Variants in PRSS22 observed in about 807,000 individuals in gnomAD.
The protein encoded by PRSS22 is brain-specific serine protease 4.
A neutral mutation model predicts 28.0 loss-of-function variants in PRSS22; 26 were observed. That is an observed-to-expected ratio of 0.93 (90% CI 0.68 to 1.29). The LOEUF (loss-of-function observed/expected upper bound fraction) is 1.29, where lower values mean the gene tolerates loss of function less well. Among genes scored for constraint, PRSS22 ranks in the 50% most tolerant of loss-of-function variants. PRSS22 has a pLI of 0.00. For missense variants in PRSS22, 444 were observed against 422.1 expected, an observed-to-expected ratio of 1.05 and a Z score of -0.46; for synonymous variants, 217 against 177.9, an observed-to-expected ratio of 1.22 and a Z score of -1.75.
Position 2,853,609 on chromosome 16 carries a change from G to T in PRSS22, c.717+256C>A, listed in dbSNP as rs1265540515. Among the ~76,000 whole-genome samples the T allele has an allele frequency of 6.6e-6, 1 of 152,230 alleles. No homozygotes were observed. The highest frequency in any genetic ancestry group is 1.9e-4 in the East Asian group (1 of 5,188). On this transcript the variant is annotated intron_variant, in intron 5 of 5. Coordinates refer to ENST00000161006, the MANE Select transcript of PRSS22 (RefSeq NM_022119.4). The surrounding 1 kb of genome is among the most constrained non-coding windows in gnomAD (Gnocchi z 4.6). Reference sequence around the variant, plus strand: ...CAGCTGGCTCTGGGCACTGAGGCGTGGGAAGCCCCCTGAAGGAAATGAAAG... The same window carrying T: ...CAGCTGGCTCTGGGCACTGAGGCGTTGGAAGCCCCCTGAAGGAAATGAAAG...
chr16:2,856,819 C>T lies in PRSS22; in HGVS notation c.109+3G>A, dbSNP rs756916903. 9.0e-6 allele frequency: 14 copies of T among 1,552,026 alleles called. No individual in the cohort carries two copies. The South Asian group carries it at 1.7e-4, about 18-fold the overall frequency. On this transcript the variant is annotated splice_donor_region_variant and intron_variant, in intron 2 of 5. Transcript: ENST00000161006. ...TCCCGTCAGAGCTGCCAGCTCCACT[C>T]ACCAGGTATCCTGGCCGCATTGAGG... is the stretch of plus-strand genomic sequence containing the variant.
In PRSS22 at chr16:2,853,311, G is replaced by A. The variant is rs542808767; in HGVS notation, c.736C>T (p.Leu246Phe). The change falls in exon 6 of 6, where the codon CTC (leucine) becomes TTC (phenylalanine). Residue 246 changes from leucine (L) to phenylalanine (F), a missense_variant. Transcript: ENST00000161006. This position sits in a 1 kb window ranked among gnomAD's most constrained non-coding sequence, Gnocchi z 4.6. ...DACLGDSGGP[L>F]MCQVDGAWLL... ...CAGGCGCCGTCCACCTGGCACATGA[G>A]GGGGCCCCCGGAGTCGCCCTGCAGA... 3.1e-6 allele frequency: 5 copies of A among 1,597,228 alleles called. No homozygotes were observed. In the East Asian group the frequency reaches 8.9e-5, roughly 29 times the overall value.
At position 2,856,809 on chromosome 16, in the gene PRSS22, C is replaced by T; in HGVS notation, c.109+13G>A. Reference sequence around the variant, plus strand: ...CCCTTCTCCCTCCCGTCAGAGCTGCCAGCTCCACTCACCAGGTATCCTGGC... The same window carrying T: ...CCCTTCTCCCTCCCGTCAGAGCTGCTAGCTCCACTCACCAGGTATCCTGGC... On this transcript the variant is annotated intron_variant, in intron 2 of 5. Transcript: ENST00000161006. 6.4e-7 allele frequency: 1 copy of T among 1,552,002 alleles called. No individual in the cohort carries two copies. Among genetic ancestry groups the T allele is most frequent in the Non-Finnish European group, 8.7e-7 (1 of 1,147,148 alleles).
At chr16:2,856,033 A>T (rs779496660) in intron 3 of PRSS22, 49 bp downstream of exon 3, 357 of 1,588,942 alleles carry the variant, frequency 2.2e-4, no homozygotes, top group Non-Finnish European at 2.5e-4. Context: ...CCTGGGGCAC[A>T]AAGCCCAGGG....
Position 2,855,758 on chromosome 16 carries a change from C to T in PRSS22, c.375G>A (p.Trp125Ter). The change falls in exon 4 of 6, where the codon TGG (tryptophan) becomes TGA (stop). Residue 125 changes from tryptophan (W) to a stop codon, truncating the protein, a stop_gained. Transcript: ENST00000161006. LOFTEE classifies it high-confidence loss of function. ...AGGAATACACAGGGTGGGGCTCCAC[C>T]CAGGCAACACCCACCTTCTGGGACC... is the stretch of plus-strand genomic sequence containing the variant. ...GSRSQKVGVA[W>*]VEPHPVYSWK... 1 of 1,614,126 alleles carries T rather than the reference C, an allele frequency of 6.2e-7. No homozygotes were observed. The highest frequency in any genetic ancestry group is 8.5e-7 in the Non-Finnish European group (1 of 1,180,036).
Position 2,856,196 on chromosome 16 carries a change from C to G in PRSS22, c.167G>C (p.Ser56Thr), listed in dbSNP as rs369180451. Reference sequence around the variant, plus strand: ...GATCCAGGGCCACTCGCTGTCAGTGCTGTCCTCGCCGCCCACAACCCGGTT... The same window carrying G: ...GATCCAGGGCCACTCGCTGTCAGTGGTGTCCTCGCCGCCCACAACCCGGTT... ...QLNRVVGGED[S>T]TDSEWPWIVS... The change falls in exon 3 of 6, where the codon AGC (serine) becomes ACC (threonine). Residue 56 changes from serine to threonine, a missense_variant. Ser to Thr is a moderately conservative substitution (Grantham distance 58). Transcript: ENST00000161006. The G allele has an allele frequency of 5.0e-6, 8 of 1,613,738 alleles. No homozygotes were observed. Among genetic ancestry groups the G allele is most frequent in the Non-Finnish European group, 5.1e-6 (6 of 1,179,958 alleles).
chr16:2,857,887 A>T, intron 1 of PRSS22, 136 bp downstream of exon 1: 2 of 583,744 alleles, frequency 3.4e-6, no homozygotes, highest in Non-Finnish European at 2.5e-6. Flanking sequence ...CAGAGCAGTT[A>T]AGGAGCAAGA....
intron 2 of PRSS22, 79 bp from the exon 3 acceptor site, chr16:2,856,332 C>A (rs2069456718): frequency 1.4e-6 from 2 of 1,454,824 alleles, no homozygotes; most frequent in East Asian, 2.3e-5. Flanking sequence ...GGCCTGCACC[C>A]CAAGCTTTGC....
intron 1 of PRSS22, among the ~76,000 whole-genome samples, chr16:2,857,380 G>T (rs964412490): frequency 1.1e-4 from 17 of 147,870 alleles, no homozygotes; most frequent in African/African-American, 4.0e-4. Flanking sequence ...GTGAGGAGGG[G>T]TCCCAGCGCC....
Position 2,853,972 on chromosome 16 carries a change from CGAT to C in PRSS22, c.607_609del (p.Ile203del). The C allele has an allele frequency of 2.5e-6, 4 of 1,614,166 alleles. No homozygotes were observed. Among genetic ancestry groups the C allele is most frequent in the Non-Finnish European group, 3.4e-6 (4 of 1,180,028 alleles). ...TACAGATGGCTGCAGACTTCCGAGT[CGAT>C]GATAGGAACCTTCAGCTTCTGCAGG... On this transcript the variant is annotated inframe_deletion, in exon 5 of 6. Transcript: ENST00000161006. The surrounding 1 kb of genome is among the most constrained non-coding windows in gnomAD (Gnocchi z 4.6).
chr16:2,855,666 C>A lies in PRSS22; in HGVS notation c.467G>T (p.Arg156Leu), dbSNP rs146443197. 3.1e-6 allele frequency: 5 copies of A among 1,614,038 alleles called. No individual in the cohort carries two copies. Among genetic ancestry groups the A allele is most frequent in the Non-Finnish European group, 3.4e-6 (4 of 1,180,038 alleles). The change falls in exon 4 of 6, where the codon CGG (arginine) becomes CTG (leucine). Residue 156 changes from arginine (R) to leucine (L), a missense_variant. By Grantham distance (102) the Arg-to-Leu change is moderately radical. Coordinates refer to ENST00000161006, the MANE Select transcript of PRSS22 (RefSeq NM_022119.4). ...ATCAGGTAGGCAGATGGGCAGGACC[C>A]GCTCTGAGAACTGTATGGAGCGCTC... The part of the protein sequence containing the change: ...RLERSIQFSE[R>L]VLPICLPDAS...
rs2069450762 is a variant in PRSS22, at chr16:2,855,864, G to T, written c.282-13C>A. On this transcript the variant is annotated splice_polypyrimidine_tract_variant and intron_variant, in intron 3 of 5. Coordinates refer to ENST00000161006, the MANE Select transcript of PRSS22 (RefSeq NM_022119.4). ...TTTGTTCAGGTTGCTGGAAGGAAAG[G>T]GAAGGGGAGGATCAGCCAGGCCTGG... The T allele has an allele frequency of 6.8e-6, 11 of 1,607,352 alleles. No homozygotes were observed. The highest frequency in any genetic ancestry group is 9.3e-6 in the Non-Finnish European group (11 of 1,178,086).
chr16:2,854,073 C>T (rs1198241752), intron 4 of PRSS22, 51 bp from the exon 5 acceptor site: 1 of 1,604,128 alleles, frequency 6.2e-7, no homozygotes, highest in Non-Finnish European at 8.5e-7. Flanking sequence ...CTCCTCGTTG[C>T]CTCCTCAAAG....
intron 4 of PRSS22, among the ~76,000 whole-genome samples, chr16:2,855,347 CAAAAAAAA>C (rs33950878): frequency 2.9e-5 from 2 of 69,030 alleles, no homozygotes; most frequent in South Asian, 5.7e-4. Flanking sequence ...CACCCTGTCT[CAAAAAAAA>C]AAAAAAAAAA....
intron 4 of PRSS22, 117 bp downstream of exon 4, chr16:2,855,457 T>C: frequency 8.7e-7 from 1 of 1,144,606 alleles, no homozygotes; most frequent in Non-Finnish European, 1.2e-6. Context: ...CTTCCACCTC[T>C]GTCATGCTGT....
Position 2,853,363 on chromosome 16 carries a change from G to C in PRSS22, c.718-34C>G. On this transcript the variant is annotated intron_variant, in intron 5 of 5. Transcript: ENST00000161006. The surrounding 1 kb of genome is among the most constrained non-coding windows in gnomAD (Gnocchi z 4.6). ...AGGAGGCGAGGTTAGGAACCCCCGTGGCACAGGGGGTGGCAGAATCCAGGG... is the reference window on the plus strand; with the variant it reads ...AGGAGGCGAGGTTAGGAACCCCCGTCGCACAGGGGGTGGCAGAATCCAGGG... 1 of 1,539,840 alleles carries C rather than the reference G, an allele frequency of 6.5e-7. No homozygotes were observed. Among genetic ancestry groups the C allele is most frequent in the Non-Finnish European group, 8.8e-7 (1 of 1,136,658 alleles).
Position 2,855,600 on chromosome 16 carries a change from G to A in PRSS22, c.533C>T (p.Ser178Leu), listed in dbSNP as rs753757825. 2.7e-5 allele frequency: 44 copies of A among 1,614,110 alleles called. No homozygotes were observed. The East Asian group carries it at 9.4e-4, about 34-fold the overall frequency. The change falls in exon 4 of 6, where the codon TCA becomes TTA. Residue 178 changes from serine (S) to leucine (L), a missense_variant. By Grantham distance (145) the Ser-to-Leu change is moderately radical. Transcript: ENST00000161006. ...HLPPNTHCWI[S>L]GWGSIQDGVP... ...TCCATCTTGGATGCTCCCCCAGCCTGAGATCCAGCAGTGGGTGTTTGGAGG... is the reference window on the plus strand; with the variant it reads ...TCCATCTTGGATGCTCCCCCAGCCTAAGATCCAGCAGTGGGTGTTTGGAGG...
At chr16:2,857,561 G>C (rs2069473548) in intron 1 of PRSS22, 2 of 166,264 alleles carry the variant, frequency 1.2e-5, no homozygotes. Context: ...GCACAGCTGT[G>C]ACCCTGCCCT....
At chr16:2,856,004 C>A in intron 3 of PRSS22, 78 bp downstream of exon 3, 1 of 1,556,162 alleles carries the variant, frequency 6.4e-7, no homozygotes, top group Non-Finnish European at 8.7e-7. Flanking sequence ...GAAGCAGAGC[C>A]TGTAAAGGGA....
Sources: allele counts gnomAD v4.1 joint callset (sites outside exome capture counted in the v4.1 genomes callset), GRCh38; gene constraint gnomAD v4.1.1; non-coding constraint Gnocchi (gnomAD v3.1); transcripts MANE v1.5; gene names NCBI Gene and HGNC (gene_info 2026-07-23, HGNC 2026-07-21).